ARID2: variants seen among roughly 807,000 people sequenced by gnomAD.
ARID2 encodes AT-rich interactive domain-containing protein 2.
A neutral mutation model predicts 184.6 loss-of-function variants in ARID2; 32 were observed. The observed-to-expected ratio is 0.17, with a 90% CI of 0.13 to 0.23. ARID2 has a LOEUF of 0.23. Ranked by LOEUF, ARID2 falls within the 10% of genes least tolerant of loss-of-function variation. ARID2 has a pLI of 1.00. For synonymous variants in ARID2, 836 were observed against 772.6 expected, an observed-to-expected ratio of 1.08 and a Z score of -1.36; for missense variants, 1,696 against 2,197.6, an observed-to-expected ratio of 0.77 and a Z score of 4.56.
intron 16 of ARID2, among the ~76,000 whole-genome samples, chr12:45,871,834 T>C (rs1943930737): frequency 6.6e-6 from 1 of 152,218 alleles, no homozygotes; most frequent in Non-Finnish European, 1.5e-5. Flanking sequence ...TTGAGTGAGT[T>C]TTGGCAGATT....
rs559642459 is a variant in ARID2 at position 45,734,538 on chromosome 12, G to T, written c.284+3224G>T. On this transcript the variant is annotated intron_variant, in intron 3 of 20. Coordinates refer to ENST00000334344, the MANE Select transcript of ARID2 (RefSeq NM_152641.4). ...CTATAGTATGAAAGGATAAGGTATA[G>T]TTTCCCACATTTTGTAGATGGAGAT... Among the ~76,000 whole-genome samples the T allele has an allele frequency of 6.0e-5, 9 of 150,652 alleles. No homozygotes were observed. The East Asian group carries it at 1.6e-3, about 26-fold the overall frequency.
At chr12:45,856,864 T>C (rs1943660430) in intron 15 of ARID2, among the ~76,000 whole-genome samples, 1 of 152,222 alleles carries the variant, frequency 6.6e-6, no homozygotes, top group Admixed American at 6.5e-5. Context: ...CATTTCTTTA[T>C]TGGTAACTGC....
intron 16 of ARID2, among the ~76,000 whole-genome samples, chr12:45,885,881 CAAGT>C (rs1481448988): frequency 6.6e-6 from 1 of 152,160 alleles, no homozygotes; most frequent in Non-Finnish European, 1.5e-5. Context: ...CCTCCTATGA[CAAGT>C]AAGGATTATG....
chr12:45,785,805 C>T (rs1187221819), intron 3 of ARID2, among the ~76,000 whole-genome samples: 1 of 152,074 alleles, frequency 6.6e-6, no homozygotes, highest in Non-Finnish European at 1.5e-5. Context: ...GAATACTCAA[C>T]CTGTAGTACT....
chr12:45,761,695 TATGG>T lies in ARID2; in HGVS notation c.284+30383_284+30386del, dbSNP rs1324351855. Among the ~76,000 whole-genome samples the T allele has an allele frequency of 1.9e-4, 29 of 152,216 alleles. No individual in the cohort carries two copies. The South Asian group carries it at 3.7e-3, about 20-fold the overall frequency. On this transcript the variant is annotated intron_variant, in intron 3 of 20. Transcript: ENST00000334344. ...TACATTTTACTCCAGTACATTTAGG[TATGG>T]ACTTTTTTTTTTCCTTATCTTTTCT...
At chr12:45,858,115 C>G (rs142959887) in intron 15 of ARID2, among the ~76,000 whole-genome samples, 1 of 152,302 alleles carries the variant, frequency 6.6e-6, no homozygotes, top group African/African-American at 2.4e-5. Flanking sequence ...TTGTTCCTTA[C>G]AAGGTTTTGA....
In ARID2 at chr12:45,851,442, G is replaced by A. The variant is rs529386166; in HGVS notation, c.3319G>A (p.Ala1107Thr). 62 of 1,614,082 alleles carry A rather than the reference G, an allele frequency of 3.8e-5. 1 individual carries two copies. In the South Asian group the frequency reaches 4.2e-4, roughly 11 times the overall value. ...VVYQVASNQA[A>T]GFGVQGQTPA... The stretch of plus-strand genomic sequence containing the variant: ...CTATCAGGTGGCCAGTAACCAAGCC[G>A]CAGGTTTTGGAGTGCAGGGGCAAAC... Residue 1107 changes from alanine to threonine, a missense_variant, in exon 15 of 21, where the codon GCA (alanine) becomes ACA (threonine). Physicochemically the swap from Ala to Thr is moderately conservative, Grantham distance 58. Around this residue, in one of 11 missense-constraint regions of ARID2, gnomAD observed 713 missense variants for 824.4 expected, o/e 0.86. Transcript: ENST00000334344.
intron 18 of ARID2, 80 bp downstream of exon 18, chr12:45,892,176 C>T (rs971416315): frequency 7.2e-7 from 1 of 1,395,946 alleles, no homozygotes. Context: ...CGCAACTTAG[C>T]ATATTAGGAG....
chr12:45,877,785 AAAAG>A lies in ARID2; in HGVS notation c.4923-13991_4923-13988del, dbSNP rs201759411. Among the ~76,000 whole-genome samples, 186 of 152,354 alleles carry A rather than the reference AAAAG, an allele frequency of 1.2e-3. 2 individuals are homozygous for A. In the East Asian group the frequency reaches 0.027, roughly 22 times the overall value. On this transcript the variant is annotated intron_variant, in intron 16 of 20. Coordinates refer to ENST00000334344, the MANE Select transcript of ARID2 (RefSeq NM_152641.4). The stretch of plus-strand genomic sequence containing the variant: ...TCTGTTAGATCAATCAAAAGTAAGA[AAAAG>A]AAATATTTTGCTTCTATTGATTTCT...
At chr12:45,793,438 A>T (rs1019563092) in intron 3 of ARID2, among the ~76,000 whole-genome samples, 7 of 151,498 alleles carry the variant, frequency 4.6e-5, no homozygotes, top group African/African-American at 1.7e-4. Flanking sequence ...CTCACCCTTG[A>T]CCTATCACTG....
intron 1 of ARID2, 53 bp from the exon 2 acceptor site, chr12:45,729,991 G>T (rs1940945682): frequency 6.2e-7 from 1 of 1,607,132 alleles, no homozygotes; most frequent in Non-Finnish European, 8.5e-7. Context: ...TCTCCCGCCC[G>T]GGCCGGGCAC....
intron 6 of ARID2, among the ~76,000 whole-genome samples, 179 bp downstream of exon 6, chr12:45,821,666 A>G (rs558670188): frequency 6.6e-6 from 1 of 152,328 alleles, no homozygotes; most frequent in South Asian, 2.1e-4. Flanking sequence ...ATCTTTTAGA[A>G]TACCCACGAA....
intron 16 of ARID2, among the ~76,000 whole-genome samples, chr12:45,891,415 T>C (rs1482251885): frequency 6.6e-6 from 1 of 152,188 alleles, no homozygotes; most frequent in Non-Finnish European, 1.5e-5. Flanking sequence ...AAATGTGAAC[T>C]TAAAAGGCAG....
chr12:45,822,689 T>C (rs1942921170), intron 6 of ARID2, among the ~76,000 whole-genome samples: 1 of 152,190 alleles, frequency 6.6e-6, no homozygotes, highest in East Asian at 1.9e-4. Context: ...ATTTTGATAT[T>C]GTCCAGACAA....
intron 6 of ARID2, among the ~76,000 whole-genome samples, chr12:45,826,142 TCATAAA>T (rs1942996346): frequency 2.6e-5 from 4 of 152,204 alleles, no homozygotes; most frequent in Non-Finnish European, 4.4e-5. Context: ...TGTTTTTCTA[TCATAAA>T]CATATTTTTA....
intron 6 of ARID2, among the ~76,000 whole-genome samples, chr12:45,822,505 A>T (rs1942916741): frequency 6.6e-6 from 1 of 152,122 alleles, no homozygotes; most frequent in African/African-American, 2.4e-5. Flanking sequence ...GTGCCACTGC[A>T]CTCTAGTCTG....
Position 45,889,326 on chromosome 12 carries a change from G to A in ARID2, c.4923-2454G>A, listed in dbSNP as rs926339017. 2.3e-4 allele frequency among the ~76,000 whole-genome samples: 35 copies of A among 152,156 alleles called. 1 individual carries two copies. The highest frequency in any genetic ancestry group is 2.2e-3 in the Admixed American group (33 of 15,286). Reference sequence around the variant, plus strand: ...TTAAAGAAAGTATACTAAAATGTTAGCATTTTAGTATACTTGGCTATATAT... The same window carrying A: ...TTAAAGAAAGTATACTAAAATGTTAACATTTTAGTATACTTGGCTATATAT... On this transcript the variant is annotated intron_variant, in intron 16 of 20. Coordinates refer to ENST00000334344, the MANE Select transcript of ARID2 (RefSeq NM_152641.4).
At position 45,893,519 on chromosome 12, in the gene ARID2, A is replaced by G; in HGVS notation, c.5247A>G (p.Arg1749=). Residue 1749 remains arginine (R), a synonymous_variant, in exon 19 of 21, where the codon AGA becomes AGG. Transcript: ENST00000334344. ...TTATGGCTCTGAGGAGAGGATCAAGAAACCTTGTCTTTCGAGATTTTACAG... is the reference window on the plus strand; with the variant it reads ...TTATGGCTCTGAGGAGAGGATCAAGGAACCTTGTCTTTCGAGATTTTACAG... ...AALMALRRGS[R]NLVFRDFTDE... The G allele has an allele frequency of 6.2e-7, 1 of 1,613,870 alleles. No individual in the cohort carries two copies. The highest frequency in any genetic ancestry group is 8.5e-7 in the Non-Finnish European group (1 of 1,179,816).
At chr12:45,857,480 T>A (rs1253213793) in intron 15 of ARID2, among the ~76,000 whole-genome samples, 1 of 152,198 alleles carries the variant, frequency 6.6e-6, no homozygotes, top group Non-Finnish European at 1.5e-5. Flanking sequence ...ACTTTTTTGT[T>A]TATATTTTAA....
Sources: allele counts gnomAD v4.1 joint callset (sites outside exome capture counted in the v4.1 genomes callset), GRCh38; gene constraint gnomAD v4.1.1; regional missense constraint gnomAD v4.1.1; transcripts MANE v1.5; gene names NCBI Gene and HGNC (gene_info 2026-07-23, HGNC 2026-07-21).